PSEN1: variants seen among roughly 807,000 people sequenced by gnomAD.
PSEN1 encodes the protein presenilin-1.
A neutral mutation model predicts 53.5 loss-of-function variants in PSEN1; 15 were observed. The observed-to-expected ratio is 0.28, with a 90% CI of 0.19 to 0.43. The LOEUF is 0.43. Ranked by LOEUF, PSEN1 falls within the 20% of genes least tolerant of loss-of-function variation. The pLI is 1.00. For synonymous variants in PSEN1, 208 were observed against 209.8 expected (o/e 0.99, Z 0.08); for missense variants, 387 against 571.2 (o/e 0.68, Z 3.29).
At chr14:73,215,195 A>T (rs1264630843) in intron 10 of PSEN1, among the ~76,000 whole-genome samples, 3 of 151,800 alleles carry the variant, frequency 2.0e-5, no homozygotes, top group Non-Finnish European at 4.4e-5. Flanking sequence ...TCCTGACCTC[A>T]AGTGATCTGC....
intron 7 of PSEN1, among the ~76,000 whole-genome samples, chr14:73,196,709 A>G (rs916527943): frequency 6.6e-6 from 1 of 151,598 alleles, no homozygotes. Context: ...TCCTGAGCAC[A>G]AGTGATCTGC....
chr14:73,174,899 C>T (rs1223427492), intron 5 of PSEN1, among the ~76,000 whole-genome samples: 2 of 152,154 alleles, frequency 1.3e-5, no homozygotes, highest in African/African-American at 4.8e-5. Context: ...AAGTGACCTA[C>T]TGCTGAGTTT....
intron 8 of PSEN1, among the ~76,000 whole-genome samples, chr14:73,203,076 G>GT (rs1023893274): frequency 6.6e-6 from 1 of 151,846 alleles, no homozygotes; most frequent in African/African-American, 2.4e-5. Flanking sequence ...AGTTTGAGAG[G>GT]TTTTTTTGTT....
At chr14:73,143,539 G>T (rs1240673995) in intron 1 of PSEN1, among the ~76,000 whole-genome samples, 3 of 152,146 alleles carry the variant, frequency 2.0e-5, no homozygotes, top group Admixed American at 2.0e-4. Flanking sequence ...TGGAAGAATA[G>T]ATGTGAAAAG....
intron 5 of PSEN1, among the ~76,000 whole-genome samples, chr14:73,178,027 T>A (rs147049211): frequency 0.056 from 8,526 of 152,072 alleles, 298 homozygotes; most frequent in East Asian, 0.19. Context: ...CAAGTGATTC[T>A]CCTGCCTCAG....
rs530981722 is a variant in PSEN1, at chr14:73,150,460, C to T, written c.87+2354C>T. ...AAATCGTATCGCATTATGTAATACA[C>T]TTGGCATGTTTTAAAACTTTAGGCT... On this transcript the variant is annotated intron_variant, in intron 3 of 11. Transcript: ENST00000324501. Among the ~76,000 whole-genome samples the T allele has an allele frequency of 7.2e-5, 11 of 152,210 alleles. No homozygotes were observed. The South Asian group carries it at 2.1e-3, about 29-fold the overall frequency.
chr14:73,213,624 A>C (rs905685608), intron 10 of PSEN1, among the ~76,000 whole-genome samples: 1 of 152,236 alleles, frequency 6.6e-6, no homozygotes, highest in Non-Finnish European at 1.5e-5. Context: ...AGTTGCTAAA[A>C]GGCACAAATG....
chr14:73,165,020 G>A (rs1448321568), intron 3 of PSEN1, among the ~76,000 whole-genome samples: 1 of 151,900 alleles, frequency 6.6e-6, no homozygotes, highest in Non-Finnish European at 1.5e-5. Flanking sequence ...ACAGTGGCAC[G>A]ATCTTGGCTC....
intron 1 of PSEN1, among the ~76,000 whole-genome samples, chr14:73,145,338 A>T (rs1027375593): frequency 6.6e-6 from 1 of 151,318 alleles, no homozygotes; most frequent in African/African-American, 2.4e-5. Context: ...TTATTATTTT[A>T]TTATTTGTTT....
At chr14:73,218,538 G>A (rs1900016240) in intron 11 of PSEN1, among the ~76,000 whole-genome samples, 1 of 152,118 alleles carries the variant, frequency 6.6e-6, no homozygotes, top group African/African-American at 2.4e-5. Flanking sequence ...GTGTTTACAA[G>A]AAAGCAGTGT....
chr14:73,213,955 A>G (rs1899804551), intron 10 of PSEN1, among the ~76,000 whole-genome samples: 2 of 152,238 alleles, frequency 1.3e-5, no homozygotes, highest in African/African-American at 2.4e-5. Context: ...AAGATTAAAT[A>G]TGACCCGGTA....
chr14:73,154,540 G>A (rs538309317), intron 3 of PSEN1, among the ~76,000 whole-genome samples: 1 of 152,224 alleles, frequency 6.6e-6, no homozygotes, highest in South Asian at 2.1e-4. Context: ...GGTCGAGGCT[G>A]CAGTGAGCTG....
intron 11 of PSEN1, among the ~76,000 whole-genome samples, chr14:73,218,350 G>T (rs1013318926): frequency 8.5e-5 from 13 of 152,092 alleles, no homozygotes; most frequent in Non-Finnish European, 2.9e-5. Flanking sequence ...GCCGCATAAA[G>T]TGCTGGGATT....
intron 5 of PSEN1, among the ~76,000 whole-genome samples, chr14:73,185,790 C>A (rs994227156): frequency 1.3e-5 from 2 of 152,110 alleles, no homozygotes; most frequent in Non-Finnish European, 2.9e-5. Flanking sequence ...GCCTCATGAT[C>A]CGCCTGCCGT....
chr14:73,177,116 A>G (rs1013105261), intron 5 of PSEN1, among the ~76,000 whole-genome samples: 12 of 152,172 alleles, frequency 7.9e-5, no homozygotes, highest in African/African-American at 2.9e-4. Flanking sequence ...GCAGTTTTCT[A>G]AAGCTAACCA....
chr14:73,173,851 C>T lies in PSEN1; in HGVS notation c.480+144C>T, dbSNP rs72734456. ...TAATTTTTAGTTTTCTTCCTCCTCA[C>T]TGTGGAACATTCAAAAAATACAAAA... On this transcript the variant is annotated intron_variant, in intron 5 of 11. Coordinates refer to ENST00000324501, the MANE Select transcript of PSEN1 (RefSeq NM_000021.4). The T allele has an allele frequency of 0.036, 35,827 of 998,742 alleles. 761 individuals carry two copies. Among genetic ancestry groups the T allele is most frequent in the Non-Finnish European group, 0.046 (29,189 of 633,078 alleles). The allele number at this position is 998,742 out of a possible 1,614,324, so 61.9% of individuals were successfully genotyped here.
Position 73,222,250 on chromosome 14 carries a change from A to G in PSEN1, c.*2961A>G, listed in dbSNP as rs1193131940. On this transcript the variant is annotated 3_prime_UTR_variant, in exon 12 of 12. Coordinates refer to ENST00000324501, the MANE Select transcript of PSEN1 (RefSeq NM_000021.4). ...ACAGTCATAAGTAAGCAATTTGTTG[A>G]TTTTACTACAGAAGCAACAACTGAA... The G allele has an allele frequency of 6.6e-6, 1 of 152,176 alleles. No individual in the cohort carries two copies. The highest frequency in any genetic ancestry group is 1.5e-5 in the Non-Finnish European group (1 of 68,024). 9.4% of individuals were successfully genotyped at this position (152,176 alleles called of 1,614,324 possible). A position where few individuals can be genotyped will look rare whatever the true frequency, so the allele number is the denominator to read the frequency against.
chr14:73,210,782 C>G (rs1899644949), intron 9 of PSEN1, among the ~76,000 whole-genome samples: 2 of 152,264 alleles, frequency 1.3e-5, no homozygotes, highest in South Asian at 4.1e-4. Context: ...AGCTTACAAG[C>G]TTTACTTATT....
At chr14:73,208,676 A>T (rs1899552657) in intron 9 of PSEN1, 1 of 319,792 alleles carries the variant, frequency 3.1e-6, no homozygotes, top group Non-Finnish European at 6.3e-6. Flanking sequence ...GTACATGCTG[A>T]TGGGTCCATG....
Sources: allele counts gnomAD v4.1 joint callset (sites outside exome capture counted in the v4.1 genomes callset), GRCh38; gene constraint gnomAD v4.1.1; transcripts MANE v1.5; gene names NCBI Gene and HGNC (gene_info 2026-07-23, HGNC 2026-07-21).